Variants in LRRTM4 observed in about 807,000 individuals in gnomAD.
LRRTM4 encodes the protein leucine rich repeat transmembrane neuronal 4, also known as leucine-rich repeat transmembrane neuronal protein 4.
LRRTM4 carries 25 observed loss-of-function variants against 47.6 expected under a neutral mutation model. The observed-to-expected ratio is 0.53, with a 90% CI of 0.38 to 0.73. The LOEUF is 0.73. LRRTM4 is among the 30% of genes least tolerant of loss of function. The pLI is 0.00. For missense variants in LRRTM4, 638 were observed against 713.4 expected (o/e 0.89, Z 1.20); for synonymous variants, 311 against 269.5 (o/e 1.15, Z -1.51).
chr2:77,443,950 A>C (rs1675945645), intron 3 of LRRTM4, among the ~76,000 whole-genome samples: 1 of 152,272 alleles, frequency 6.6e-6, no homozygotes, highest in African/African-American at 2.4e-5. Flanking sequence ...GAAAGATGGA[A>C]GTTTGAAAAA....
intron 3 of LRRTM4, among the ~76,000 whole-genome samples, chr2:77,088,671 A>G (rs1439778093): frequency 6.6e-6 from 1 of 152,126 alleles, no homozygotes; most frequent in Non-Finnish European, 1.5e-5. Flanking sequence ...ACGGACGCGC[A>G]TGAAATTTGG....
At chr2:77,388,108 A>G (rs899542449) in intron 3 of LRRTM4, among the ~76,000 whole-genome samples, 1 of 151,874 alleles carries the variant, frequency 6.6e-6, no homozygotes, top group Non-Finnish European at 1.5e-5. Context: ...TGCAGGACTG[A>G]GGAACATGAC....
chr2:76,826,053 A>G (rs1008283722), intron 3 of LRRTM4, among the ~76,000 whole-genome samples: 3 of 151,784 alleles, frequency 2.0e-5, no homozygotes, highest in Non-Finnish European at 2.9e-5. Flanking sequence ...AGAATTACAC[A>G]TAGAATAATA....
intron 3 of LRRTM4, among the ~76,000 whole-genome samples, chr2:77,259,126 T>A (rs1025885742): frequency 2.0e-5 from 3 of 151,826 alleles, no homozygotes; most frequent in Admixed American, 6.6e-5. Flanking sequence ...TAAAAAAAAA[T>A]TTGTGTTTTT....
At chr2:76,794,458 A>AAC (rs1675151859) in intron 3 of LRRTM4, among the ~76,000 whole-genome samples, 1 of 152,196 alleles carries the variant, frequency 6.6e-6, no homozygotes, top group South Asian at 2.1e-4. Flanking sequence ...GTTGTGAACA[A>AAC]TAGTTTTTTC....
At chr2:76,830,754 G>C (rs1671327718) in intron 3 of LRRTM4, among the ~76,000 whole-genome samples, 1 of 151,912 alleles carries the variant, frequency 6.6e-6, no homozygotes, top group African/African-American at 2.4e-5. Flanking sequence ...TGGGGAGATT[G>C]TGCTTATTTT....
At chr2:77,322,046 A>T (rs1039089090) in intron 3 of LRRTM4, among the ~76,000 whole-genome samples, 3 of 152,164 alleles carry the variant, frequency 2.0e-5, no homozygotes, top group African/African-American at 7.2e-5. Flanking sequence ...TTTGAAAATT[A>T]ATTTTCCCCA....
intron 3 of LRRTM4, among the ~76,000 whole-genome samples, chr2:77,350,774 C>T (rs756047766): frequency 4.0e-5 from 6 of 151,892 alleles, no homozygotes; most frequent in Non-Finnish European, 7.4e-5. Context: ...CTGAAGAAAA[C>T]AATCTAAAAT....
chr2:76,957,922 GTATA>G (rs969403404), intron 3 of LRRTM4, among the ~76,000 whole-genome samples: 1 of 150,194 alleles, frequency 6.7e-6, no homozygotes, highest in African/African-American at 2.5e-5. Flanking sequence ...TTGTGTGTGT[GTATA>G]TATATGTGTG....
intron 3 of LRRTM4, among the ~76,000 whole-genome samples, chr2:77,221,884 C>A (rs532702649): frequency 1.3e-5 from 2 of 152,270 alleles, no homozygotes; most frequent in Middle Eastern, 3.4e-3. Flanking sequence ...ACTCTCCACC[C>A]CAAATCAACA....
intron 3 of LRRTM4, among the ~76,000 whole-genome samples, chr2:77,244,684 T>G (rs1168537557): frequency 1.3e-5 from 2 of 152,176 alleles, no homozygotes; most frequent in East Asian, 3.9e-4. Context: ...GCAAAAGTTA[T>G]GGAAAATCAT....
intron 3 of LRRTM4, among the ~76,000 whole-genome samples, chr2:77,248,096 A>C (rs1288391063): frequency 6.6e-6 from 1 of 150,968 alleles, no homozygotes. Context: ...ATTATGTTAC[A>C]TAAATATGTA....
At chr2:77,219,069 T>A (rs1674543447) in intron 3 of LRRTM4, among the ~76,000 whole-genome samples, 1 of 152,190 alleles carries the variant, frequency 6.6e-6, no homozygotes, top group Admixed American at 6.5e-5. Context: ...TCTTTCTTGA[T>A]AAATAAATAG....
At chr2:77,014,629 T>C (rs910894662) in intron 3 of LRRTM4, among the ~76,000 whole-genome samples, 1 of 151,798 alleles carries the variant, frequency 6.6e-6, no homozygotes, top group South Asian at 2.1e-4. Flanking sequence ...CTGGCCAACA[T>C]GGTGAAACCC....
At chr2:77,287,645 T>A (rs2104117482) in intron 3 of LRRTM4, among the ~76,000 whole-genome samples, 1 of 152,148 alleles carries the variant, frequency 6.6e-6, no homozygotes, top group South Asian at 2.1e-4. Context: ...GGACATGAAT[T>A]ATTTCTTTAT....
chr2:76,960,659 G>C (rs890319601), intron 3 of LRRTM4, among the ~76,000 whole-genome samples: 9 of 147,998 alleles, frequency 6.1e-5, no homozygotes, highest in African/African-American at 2.3e-4. Context: ...TGAAGATTAA[G>C]ATGGTATAAA....
At chr2:77,425,412 A>C (rs1313601931) in intron 3 of LRRTM4, among the ~76,000 whole-genome samples, 1 of 152,060 alleles carries the variant, frequency 6.6e-6, no homozygotes, top group Non-Finnish European at 1.5e-5. Context: ...CCTAAGTAGC[A>C]TTTACTTTTG....
intron 3 of LRRTM4, among the ~76,000 whole-genome samples, chr2:77,012,730 A>G (rs181373591): frequency 1.3e-4 from 20 of 152,324 alleles, no homozygotes; most frequent in Admixed American, 1.2e-3. Context: ...GCAATTCAGC[A>G]AAACTAGGCC....
intron 3 of LRRTM4, among the ~76,000 whole-genome samples, chr2:76,978,699 A>AGTAT (rs1381507841): frequency 2.6e-5 from 4 of 152,082 alleles, no homozygotes; most frequent in African/African-American, 9.7e-5. Flanking sequence ...GACGTGCCTG[A>AGTAT]GTATGCATAG....
Sources: gnomAD v4.1 joint callset for allele counts (sites outside exome capture counted in the v4.1 genomes callset) on GRCh38, gnomAD v4.1.1 for gene constraint, MANE v1.5 for transcripts, NCBI Gene and HGNC (gene_info 2026-07-23, HGNC 2026-07-21) for gene names.